The following FGD4 variants were observed in gnomAD, a reference collection of about 807,000 sequenced individuals.
FGD4 encodes the protein FYVE, RhoGEF and PH domain-containing protein 4.
In FGD4, 42 loss-of-function variants were observed where a neutral mutation model predicts 102.0. The observed-to-expected ratio is 0.41, with a 90% CI of 0.32 to 0.53. The LOEUF (loss-of-function observed/expected upper bound fraction) is 0.53. Ranked by LOEUF, FGD4 falls within the 20% of genes least tolerant of loss-of-function variation. The pLI, the probability that FGD4 is intolerant of heterozygous loss-of-function variation, is 0.21. For synonymous variants in FGD4, 380 were observed against 375.7 expected (o/e 1.01, Z -0.13); for missense variants, 902 against 1,078.2 (o/e 0.84, Z 2.29).
At chr12:32,417,983 GTC>G (rs1372313027) in intron 1 of FGD4, among the ~76,000 whole-genome samples, 1 of 130,852 alleles carries the variant, frequency 7.6e-6, no homozygotes, top group East Asian at 2.3e-4. Flanking sequence ...TTGAGACAGA[GTC>G]TCGCTCTGTC....
chr12:32,484,709 T>G (rs1374400478), intron 1 of FGD4, among the ~76,000 whole-genome samples: 1 of 151,902 alleles, frequency 6.6e-6, no homozygotes, highest in Non-Finnish European at 1.5e-5. Flanking sequence ...CCACCTCTAC[T>G]AAAAATACAA....
intron 1 of FGD4, among the ~76,000 whole-genome samples, chr12:32,444,546 A>G (rs1942556785): frequency 1.3e-5 from 2 of 152,004 alleles, no homozygotes; most frequent in Non-Finnish European, 2.9e-5. Flanking sequence ...CTGGGATTAC[A>G]GGCGCCCATC....
intron 1 of FGD4, among the ~76,000 whole-genome samples, chr12:32,520,191 C>CT (rs1379578261): frequency 4.6e-5 from 7 of 152,068 alleles, no homozygotes; most frequent in Non-Finnish European, 1.0e-4. Flanking sequence ...GTCATTGAAA[C>CT]TAAGTATGGA....
chr12:32,584,227 CAT>C (rs1430410918), intron 4 of FGD4, among the ~76,000 whole-genome samples: 2 of 152,202 alleles, frequency 1.3e-5, no homozygotes, highest in Non-Finnish European at 2.9e-5. Context: ...GCGAACACCA[CAT>C]CTCTCCTGTT....
intron 4 of FGD4, among the ~76,000 whole-genome samples, chr12:32,595,897 A>G (rs1947852386): frequency 6.6e-6 from 1 of 151,838 alleles, no homozygotes; most frequent in African/African-American, 2.4e-5. Context: ...CCTCATTTCA[A>G]TGCCACTGTA....
At chr12:32,520,198 T>A (rs1353502984) in intron 1 of FGD4, among the ~76,000 whole-genome samples, 1 of 152,122 alleles carries the variant, frequency 6.6e-6, no homozygotes, top group Non-Finnish European at 1.5e-5. Context: ...AAACTAAGTA[T>A]GGAAGTAAAC....
intron 5 of FGD4, 21 bp from the exon 6 acceptor site, chr12:32,601,257 T>C: frequency 6.2e-7 from 1 of 1,611,234 alleles, no homozygotes; most frequent in South Asian, 1.1e-5. Context: ...GAAGTAATGC[T>C]TACATTATTC....
chr12:32,612,397 C>T (rs996802551), intron 10 of FGD4, among the ~76,000 whole-genome samples: 2 of 152,208 alleles, frequency 1.3e-5, no homozygotes, highest in African/African-American at 4.8e-5. Context: ...CAAGCGCAGC[C>T]TGCCAGGCCG....
rs1417877596 is a variant in FGD4 at position 32,582,117 on chromosome 12, G to A, written c.661G>A (p.Gly221Ser). 1 of 1,614,168 alleles carries A rather than the reference G, an allele frequency of 6.2e-7. No homozygotes were observed. Among genetic ancestry groups the A allele is most frequent in the Admixed American group, 1.7e-5 (1 of 60,026 alleles). Residue 221 changes from glycine to serine, a missense_variant, in exon 4 of 17, where the codon GGT becomes AGT. Physicochemically the swap from Gly to Ser is moderately conservative, Grantham distance 56 (BLOSUM62 0). Transcript: ENST00000534526. ...GGGAAATGATACAGATAAGACTCAG[G>A]GTGCACAGACTTGTGTGGCCAACGG... ...RQGNDTDKTQGAQTCVANGVM... is the reference protein window; with the variant it reads ...RQGNDTDKTQSAQTCVANGVM...
chr12:32,540,525 C>A (rs1182528409), intron 1 of FGD4, among the ~76,000 whole-genome samples: 2 of 151,336 alleles, frequency 1.3e-5, no homozygotes, highest in Admixed American at 6.6e-5. Context: ...GATATTAGGC[C>A]CTTCAGGAGA....
At chr12:32,474,797 C>T (rs956867266) in intron 1 of FGD4, among the ~76,000 whole-genome samples, 3 of 151,910 alleles carry the variant, frequency 2.0e-5, no homozygotes, top group Non-Finnish European at 4.4e-5. Context: ...CCCAGCTACT[C>T]GGAGGCTGAG....
At chr12:32,579,412 A>C (rs1307110697) in intron 3 of FGD4, among the ~76,000 whole-genome samples, 1 of 152,166 alleles carries the variant, frequency 6.6e-6, no homozygotes, top group African/African-American at 2.4e-5. Flanking sequence ...GCATCCACAA[A>C]GCAGCAGGAA....
At chr12:32,464,783 G>C (rs1235453615) in intron 1 of FGD4, among the ~76,000 whole-genome samples, 1 of 152,166 alleles carries the variant, frequency 6.6e-6, no homozygotes, top group African/African-American at 2.4e-5. Flanking sequence ...GATAGAGCAA[G>C]TGTAATGTGA....
intron 14 of FGD4, among the ~76,000 whole-genome samples, chr12:32,629,449 A>G (rs1950365939): frequency 6.6e-6 from 1 of 152,204 alleles, no homozygotes; most frequent in Admixed American, 6.5e-5. Context: ...TAGTTTCTCA[A>G]TTACCCTGTG....
chr12:32,523,146 A>G (rs572931596), intron 1 of FGD4, among the ~76,000 whole-genome samples: 22 of 152,290 alleles, frequency 1.4e-4, no homozygotes, highest in African/African-American at 5.1e-4. Flanking sequence ...AAAAGAGAAC[A>G]GAGAGGAATA....
chr12:32,474,099 A>G (rs944095938), intron 1 of FGD4, among the ~76,000 whole-genome samples: 3 of 151,892 alleles, frequency 2.0e-5, no homozygotes, highest in Admixed American at 2.0e-4. Context: ...AAAAAAAAAA[A>G]CAAAAAGTAT....
intron 2 of FGD4, among the ~76,000 whole-genome samples, chr12:32,575,576 G>A (rs75821965): frequency 0.032 from 4,798 of 152,268 alleles, 108 homozygotes; most frequent in East Asian, 0.13. Context: ...TCAACATGAT[G>A]TTTGGAGGGG....
chr12:32,421,367 C>G (rs1030086831), intron 1 of FGD4, among the ~76,000 whole-genome samples: 2 of 152,168 alleles, frequency 1.3e-5, no homozygotes, highest in South Asian at 4.1e-4. Flanking sequence ...TTTGAGTATT[C>G]ATGGACTGGA....
chr12:32,567,800 A>T (rs1267640132), intron 2 of FGD4, among the ~76,000 whole-genome samples: 4 of 148,258 alleles, frequency 2.7e-5, no homozygotes, highest in African/African-American at 1.0e-4. Context: ...TGATTCTCCC[A>T]CTTCAGCCTC....
Sources: allele counts gnomAD v4.1 joint callset (sites outside exome capture counted in the v4.1 genomes callset), GRCh38; gene constraint gnomAD v4.1.1; transcripts MANE v1.5; gene names NCBI Gene and HGNC (gene_info 2026-07-23, HGNC 2026-07-21).